The following TCF7L1 variants were observed in gnomAD, a reference collection of about 807,000 sequenced individuals.
TCF7L1 encodes the protein transcription factor 7 like 1, also known as transcription factor 7-like 1.
A neutral mutation model predicts 63.7 loss-of-function variants in TCF7L1; 18 were observed. That is an observed-to-expected ratio of 0.28 (90% CI 0.20 to 0.42). The LOEUF is 0.42. Ranked by LOEUF, TCF7L1 falls within the 10% of genes least tolerant of loss-of-function variation. TCF7L1 has a pLI of 1.00. For synonymous variants in TCF7L1, 355 were observed against 340.9 expected, an observed-to-expected ratio of 1.04 and a Z score of -0.46; for missense variants, 654 against 779.3, an observed-to-expected ratio of 0.84 and a Z score of 1.91.
chr2:85,183,641 G>T (rs574753934), intron 3 of TCF7L1, among the ~76,000 whole-genome samples: 3 of 152,092 alleles, frequency 2.0e-5, no homozygotes, highest in Non-Finnish European at 2.9e-5. Flanking sequence ...GAAAATCATC[G>T]GGCGAGTCAG....
At chr2:85,185,360 C>T (rs1311459074) in intron 3 of TCF7L1, among the ~76,000 whole-genome samples, 6 of 151,910 alleles carry the variant, frequency 3.9e-5, no homozygotes, top group Non-Finnish European at 7.4e-5. Flanking sequence ...TAGGCTAAAG[C>T]GATCCCCCTG....
chr2:85,287,342 T>A (rs181329794), intron 4 of TCF7L1, among the ~76,000 whole-genome samples: 1 of 152,346 alleles, frequency 6.6e-6, no homozygotes, highest in East Asian at 1.9e-4. Flanking sequence ...TTCAAATAAA[T>A]CAACTCTTCA....
At chr2:85,180,115 G>T (rs1439753403) in intron 3 of TCF7L1, among the ~76,000 whole-genome samples, 1 of 152,118 alleles carries the variant, frequency 6.6e-6, no homozygotes, top group African/African-American at 2.4e-5. Flanking sequence ...CACTGGCTGG[G>T]GAGAGGGCCG....
Position 85,297,277 on chromosome 2 carries a change from C to T in TCF7L1, c.526-5207C>T, listed in dbSNP as rs114648647. Among the ~76,000 whole-genome samples, 578 of 152,304 alleles carry T rather than the reference C, an allele frequency of 3.8e-3. 5 individuals carry two copies. The highest frequency in any genetic ancestry group is 0.013 in the African/African-American group (557 of 41,562). On this transcript the variant is annotated intron_variant, in intron 4 of 11. Coordinates refer to ENST00000282111, the MANE Select transcript of TCF7L1 (RefSeq NM_031283.3). Reference sequence around the variant, plus strand: ...TTCCAGGTCCCAGAGTCTTTTCTCTCTCCTATTGCCCTGCAGAGACTCTTG... The same window carrying T: ...TTCCAGGTCCCAGAGTCTTTTCTCTTTCCTATTGCCCTGCAGAGACTCTTG...
chr2:85,174,932 G>A lies in TCF7L1; in HGVS notation c.441+40482G>A, dbSNP rs140015423. ...TCCTCAGGCCTTTTTGGACATGACC[G>A]TCTCAAAGTGTTACTATGTTTAAGT... On this transcript the variant is annotated intron_variant, in intron 3 of 11. Coordinates refer to ENST00000282111, the MANE Select transcript of TCF7L1 (RefSeq NM_031283.3). Among the ~76,000 whole-genome samples, 1,020 of 152,272 alleles carry A rather than the reference G, an allele frequency of 6.7e-3. 12 individuals carry two copies. Among genetic ancestry groups the A allele is most frequent in the African/African-American group, 0.021 (887 of 41,546 alleles).
chr2:85,309,374 C>A lies in TCF7L1; in HGVS notation c.1679C>A (p.Pro560Gln). 6.2e-7 allele frequency: 1 copy of A among 1,603,712 alleles called. No individual in the cohort carries two copies. Among genetic ancestry groups the A allele is most frequent in the South Asian group, 1.1e-5 (1 of 89,514 alleles). Residue 560 changes from proline to glutamine, a missense_variant, in exon 12 of 12, where the codon CCG (proline) becomes CAG (glutamine). Physicochemically the swap from Pro to Gln is moderately conservative, Grantham distance 76. Transcript: ENST00000282111. ...SMPTALLASP[P>Q]SFPATLHAHQ... ...CCCACAGCTCTGCTGGCCTCTCCCC[C>A]GTCCTTCCCCGCCACGCTCCATGCC...
intron 3 of TCF7L1, among the ~76,000 whole-genome samples, chr2:85,247,708 A>G (rs146016317): frequency 1.3e-5 from 2 of 152,332 alleles, no homozygotes; most frequent in African/African-American, 4.8e-5. Context: ...GCTCTGTAGA[A>G]TTAAGCATTA....
intron 4 of TCF7L1, among the ~76,000 whole-genome samples, chr2:85,288,332 CG>C (rs1475701041): frequency 6.6e-6 from 1 of 151,986 alleles, no homozygotes; most frequent in Non-Finnish European, 1.5e-5. Context: ...CAGCCAGAGT[CG>C]AGGATCATTG....
intron 3 of TCF7L1, among the ~76,000 whole-genome samples, chr2:85,175,189 A>G (rs931519342): frequency 2.0e-5 from 3 of 152,292 alleles, no homozygotes; most frequent in African/African-American, 7.2e-5. Context: ...GTGTGAATGG[A>G]GACACCTGCT....
At chr2:85,231,721 C>T (rs968743591) in intron 3 of TCF7L1, among the ~76,000 whole-genome samples, 1 of 152,124 alleles carries the variant, frequency 6.6e-6, no homozygotes, top group Non-Finnish European at 1.5e-5. Flanking sequence ...TGTAACTGTC[C>T]CTCCCACCAT....
In TCF7L1 at chr2:85,309,593, C is replaced by T; in HGVS notation, c.*131C>T. ...TGTTCTGTAAAGTGGCTGGTAACAACAGCACTTTACAGTTTGTAGATGTAA... is the reference window on the plus strand; with the variant it reads ...TGTTCTGTAAAGTGGCTGGTAACAATAGCACTTTACAGTTTGTAGATGTAA... On this transcript the variant is annotated 3_prime_UTR_variant, in exon 12 of 12. Coordinates refer to ENST00000282111, the MANE Select transcript of TCF7L1 (RefSeq NM_031283.3). 1.2e-6 allele frequency: 1 copy of T among 826,800 alleles called. No individual in the cohort carries two copies. Among genetic ancestry groups the T allele is most frequent in the South Asian group, 2.9e-5 (1 of 34,928 alleles). 51.2% of individuals were successfully genotyped at this position (826,800 alleles called of 1,614,324 possible).
intron 3 of TCF7L1, among the ~76,000 whole-genome samples, chr2:85,146,676 G>A (rs1677887697): frequency 6.6e-6 from 1 of 151,584 alleles, no homozygotes; most frequent in South Asian, 2.1e-4. Flanking sequence ...TAATTTTTTT[G>A]TATTTTTAGT....
In TCF7L1 at chr2:85,302,604, G is replaced by C. The variant is rs367793912; in HGVS notation, c.646G>C (p.Asp216His). ...SPPTHLSPEI[D>H]PKTGIPRPPH... Reference sequence around the variant, plus strand: ...TCCCACCCACCTCTCCCCAGAGATCGATCCAAAGACAGGTAAGTCGTCTGC... The same window carrying C: ...TCCCACCCACCTCTCCCCAGAGATCCATCCAAAGACAGGTAAGTCGTCTGC... The change falls in exon 5 of 12, where the codon GAT (aspartate) becomes CAT (histidine). Residue 216 changes from aspartate (D) to histidine (H), a missense_variant. Transcript: ENST00000282111. The C allele has an allele frequency of 4.1e-6, 6 of 1,473,362 alleles. No homozygotes were observed. The highest frequency in any genetic ancestry group is 1.8e-5 in the Admixed American group (1 of 55,138). The allele number at this position is 1,473,362 out of a possible 1,614,324, so 91.3% of individuals were successfully genotyped here.
chr2:85,193,870 T>C (rs1323858464), intron 3 of TCF7L1, among the ~76,000 whole-genome samples: 1 of 152,160 alleles, frequency 6.6e-6, no homozygotes, highest in Admixed American at 6.5e-5. Flanking sequence ...AGTTAAATGT[T>C]AACATTTGGG....
intron 3 of TCF7L1, among the ~76,000 whole-genome samples, chr2:85,138,650 C>G (rs984840567): frequency 1.3e-5 from 2 of 152,076 alleles, no homozygotes; most frequent in African/African-American, 4.8e-5. Flanking sequence ...GGGAACCTGT[C>G]AATCTTTTTT....
chr2:85,145,683 C>T (rs1677864804), intron 3 of TCF7L1, among the ~76,000 whole-genome samples: 1 of 152,178 alleles, frequency 6.6e-6, no homozygotes, highest in African/African-American at 2.4e-5. Flanking sequence ...GGAGCACAAG[C>T]TCAGGGCAGT....
At chr2:85,188,285 G>A (rs1327905026) in intron 3 of TCF7L1, among the ~76,000 whole-genome samples, 1 of 152,194 alleles carries the variant, frequency 6.6e-6, no homozygotes, top group Non-Finnish European at 1.5e-5. Context: ...ACGAGTGTTT[G>A]TAAAACTGGT....
chr2:85,219,402 CA>C (rs535926207), intron 3 of TCF7L1, among the ~76,000 whole-genome samples: 185 of 152,190 alleles, frequency 1.2e-3, no homozygotes, highest in African/African-American at 4.1e-3. Context: ...CACATGAGCA[CA>C]AGGGACATGA....
chr2:85,273,290 T>C (rs1231614252), intron 3 of TCF7L1, among the ~76,000 whole-genome samples: 4 of 152,214 alleles, frequency 2.6e-5, no homozygotes, highest in Non-Finnish European at 5.9e-5. Context: ...AGACCCCTCC[T>C]GTGTTTCACC....
Sources: allele counts gnomAD v4.1 joint callset (sites outside exome capture counted in the v4.1 genomes callset), GRCh38; gene constraint gnomAD v4.1.1; transcripts MANE v1.5; gene names NCBI Gene and HGNC (gene_info 2026-07-23, HGNC 2026-07-21).